TTLL9: variants seen among roughly 807,000 people sequenced by gnomAD.
The protein encoded by TTLL9 is probable tubulin polyglutamylase TTLL9.
Under a neutral mutation model 65.6 loss-of-function variants are expected in TTLL9, and 47 were observed. The ratio of observed to expected loss-of-function variants is 0.72; its 90% confidence interval spans 0.57 to 0.91. The LOEUF is 0.91. Among genes scored for constraint, TTLL9 ranks in the 40% least tolerant of loss-of-function variants. The pLI is 0.00. For missense variants in TTLL9, 537 were observed against 568.8 expected (o/e 0.94, Z 0.57); for synonymous variants, 179 against 204.8 (o/e 0.87, Z 1.07).
intron 3 of TTLL9, among the ~76,000 whole-genome samples, chr20:31,891,687 T>A (rs1013815008): frequency 6.6e-6 from 1 of 152,106 alleles, no homozygotes; most frequent in African/African-American, 2.4e-5. Flanking sequence ...TCTAAAAGTT[T>A]AAGCTCAGGG....
At chr20:31,907,186 G>A (rs776529570) in intron 4 of TTLL9, among the ~76,000 whole-genome samples, 4 of 152,176 alleles carry the variant, frequency 2.6e-5, no homozygotes, top group Non-Finnish European at 5.9e-5. Context: ...CTTACTAACT[G>A]CATGAACTAG....
At chr20:31,879,764 C>G in intron 2 of TTLL9, 1 of 1,521,674 alleles carries the variant, frequency 6.6e-7, no homozygotes, top group African/African-American at 1.4e-5. Context: ...AGAGCATGCC[C>G]TTGGCTCATC....
Position 31,937,429 on chromosome 20 carries a change from G to A in TTLL9, c.1038G>A (p.Leu346=), listed in dbSNP as rs2064131013. The A allele has an allele frequency of 1.9e-6, 3 of 1,613,590 alleles. No individual in the cohort carries two copies. The African/African-American group carries it at 4.0e-5, about 22-fold the overall frequency. Residue 346 remains leucine (L), a synonymous_variant, in exon 13 of 15, where the codon CTG becomes CTA. Coordinates refer to ENST00000535842, the MANE Select transcript of TTLL9 (RefSeq NM_001008409.5). ...TGGAGGTCAATGCGTCCCCATCACTGACAGCCAGCAGCCAGGAAGACTATG... is the reference window on the plus strand; with the variant it reads ...TGGAGGTCAATGCGTCCCCATCACTAACAGCCAGCAGCCAGGAAGACTATG... ...WLLEVNASPS[L]TASSQEDYEL... is the part of the protein sequence containing the mutation.
chr20:31,875,979 C>T (rs2063033192), intron 2 of TTLL9, among the ~76,000 whole-genome samples: 1 of 152,170 alleles, frequency 6.6e-6, no homozygotes, highest in Non-Finnish European at 1.5e-5. Context: ...ACTACCTATA[C>T]ATACAAAATA....
intron 3 of TTLL9, among the ~76,000 whole-genome samples, chr20:31,890,131 T>TTCCA (rs2063278147): frequency 1.0e-5 from 1 of 95,628 alleles, no homozygotes; most frequent in African/African-American, 4.3e-5. Flanking sequence ...CCTTCCTTCC[T>TTCCA]TCCTTCCTTC....
intron 10 of TTLL9, among the ~76,000 whole-genome samples, chr20:31,931,291 C>T (rs2064005444): frequency 6.6e-6 from 1 of 151,942 alleles, no homozygotes; most frequent in East Asian, 1.9e-4. Flanking sequence ...GTTGCCCAGG[C>T]TGGTCTCAAA....
rs533591585 is a variant in TTLL9 at position 31,873,007 on chromosome 20, C to A, written c.69+1812C>A. The A allele has an allele frequency of 7.7e-6, 4 of 518,426 alleles. No homozygotes were observed. In the East Asian group the frequency reaches 2.2e-4, roughly 28 times the overall value. The allele number at this position is 518,426 out of a possible 1,614,324, so 32.1% of individuals were successfully genotyped here. A position where few individuals can be genotyped will look rare whatever the true frequency, so the allele number is the denominator to read the frequency against. On this transcript the variant is annotated intron_variant, in intron 2 of 14. Transcript: ENST00000535842. ...GTCAAATACTTCGACCCCTCACTGA[C>A]CCTTTCCTTTATGGGGGCCACTGCA...
chr20:31,905,212 A>G (rs926071523), intron 4 of TTLL9, among the ~76,000 whole-genome samples: 1 of 152,098 alleles, frequency 6.6e-6, no homozygotes, highest in African/African-American at 2.4e-5. Flanking sequence ...CTGGGATTAC[A>G]GGAAACTGCC....
chr20:31,942,205 A>T (rs1233306184), intron 14 of TTLL9, among the ~76,000 whole-genome samples: 1 of 152,172 alleles, frequency 6.6e-6, no homozygotes, highest in African/African-American at 2.4e-5. Context: ...CAGTCATTCA[A>T]GCAGCATTTT....
chr20:31,929,705 T>C (rs896583261), intron 10 of TTLL9, among the ~76,000 whole-genome samples: 1 of 152,202 alleles, frequency 6.6e-6, no homozygotes. Context: ...TGACACATAA[T>C]GCTGCAAAGG....
chr20:31,935,759 C>T (rs1331153028), intron 12 of TTLL9, among the ~76,000 whole-genome samples: 3 of 152,190 alleles, frequency 2.0e-5, no homozygotes, highest in Non-Finnish European at 1.5e-5. Flanking sequence ...CACTTGCAGC[C>T]CTGGGGCCTG....
Position 31,925,091 on chromosome 20 carries a change from A to G in TTLL9, c.705+42A>G, listed in dbSNP as rs749181128. On this transcript the variant is annotated intron_variant, in intron 9 of 14. Transcript: ENST00000535842. ...GGGGCCCTCCTCCAGCAGGGGTTAAAGGGTGGCTGGGCTAGGGAGATGGGG... is the reference window on the plus strand; with the variant it reads ...GGGGCCCTCCTCCAGCAGGGGTTAAGGGGTGGCTGGGCTAGGGAGATGGGG... 6 of 1,605,820 alleles carry G rather than the reference A, an allele frequency of 3.7e-6. No homozygotes were observed. The African/African-American group carries it at 6.8e-5, about 18-fold the overall frequency.
chr20:31,919,791 G>C (rs377028882), intron 6 of TTLL9, 73 bp from the exon 7 acceptor site: 1 of 1,250,912 alleles, frequency 8.0e-7, no homozygotes, highest in African/African-American at 1.5e-5. Flanking sequence ...GCTGGGGAGA[G>C]CCCCCAGCCA....
chr20:31,943,635 C>T lies in TTLL9; in HGVS notation c.*614C>T, dbSNP rs1393743770. The T allele has an allele frequency of 9.3e-6, 4 of 428,628 alleles. No homozygotes were observed. Among genetic ancestry groups the T allele is most frequent in the Non-Finnish European group, 1.9e-5 (4 of 211,696 alleles). 26.6% of individuals were successfully genotyped at this position (428,628 alleles called of 1,614,324 possible). A position where few individuals can be genotyped will look rare whatever the true frequency, so the allele number is the denominator to read the frequency against. ...GCCCATGGGGCTCCCTGACCATCAT[C>T]TGAAAACCAGTGGGACAGGGCATCC... On this transcript the variant is annotated 3_prime_UTR_variant, in exon 15 of 15. Coordinates refer to ENST00000535842, the MANE Select transcript of TTLL9 (RefSeq NM_001008409.5).
chr20:31,903,894 A>G (rs1172782532), intron 4 of TTLL9, among the ~76,000 whole-genome samples: 1 of 152,184 alleles, frequency 6.6e-6, no homozygotes, highest in Non-Finnish European at 1.5e-5. Context: ...GTTTTTTTCC[A>G]CTAACATCCT....
At chr20:31,917,098 A>C (rs2063746733) in intron 6 of TTLL9, among the ~76,000 whole-genome samples, 1 of 152,182 alleles carries the variant, frequency 6.6e-6, no homozygotes, top group Admixed American at 6.5e-5. Context: ...GAAGTTTAAT[A>C]AAATATAGAA....
At chr20:31,916,288 C>T (rs2063732136) in intron 6 of TTLL9, among the ~76,000 whole-genome samples, 1 of 152,224 alleles carries the variant, frequency 6.6e-6, no homozygotes, top group African/African-American at 2.4e-5. Flanking sequence ...AGTAGAGACA[C>T]TTCCAGATTC....
intron 14 of TTLL9, among the ~76,000 whole-genome samples, chr20:31,941,561 T>TA (rs1157771889): frequency 7.0e-6 from 1 of 143,194 alleles, no homozygotes; most frequent in African/African-American, 2.4e-5. Flanking sequence ...CTGTTTTTTT[T>TA]TTATTATTTT....
chr20:31,889,177 A>T (rs1298039816), intron 3 of TTLL9, among the ~76,000 whole-genome samples: 2 of 152,316 alleles, frequency 1.3e-5, no homozygotes, highest in Middle Eastern at 3.4e-3. Flanking sequence ...AACAAATTGT[A>T]TTTATTTTAT....
Sources: gnomAD v4.1 joint callset for allele counts (sites outside exome capture counted in the v4.1 genomes callset) on GRCh38, gnomAD v4.1.1 for gene constraint, MANE v1.5 for transcripts, NCBI Gene and HGNC (gene_info 2026-07-23, HGNC 2026-07-21) for gene names.